Variants in PDE3B observed in about 807,000 individuals in gnomAD.
PDE3B encodes the protein cGMP-inhibited 3',5'-cyclic phosphodiesterase 3B.
Under a neutral mutation model 116.8 loss-of-function variants are expected in PDE3B, and 66 were observed. That is an observed-to-expected ratio of 0.56 (90% CI 0.46 to 0.69). PDE3B has a LOEUF of 0.69. Ranked by LOEUF, PDE3B falls within the 30% of genes least tolerant of loss-of-function variation. PDE3B has a pLI of 0.00. For missense variants in PDE3B, 1,384 were observed against 1,368.1 expected, an observed-to-expected ratio of 1.01 and a Z score of -0.18; for synonymous variants, 595 against 533.6, an observed-to-expected ratio of 1.12 and a Z score of -1.59.
chr11:14,833,041 C>A (rs529621007), intron 10 of PDE3B, among the ~76,000 whole-genome samples: 2 of 152,018 alleles, frequency 1.3e-5, no homozygotes, highest in Admixed American at 1.3e-4. Flanking sequence ...ACCTCCGCCC[C>A]CCACGTTCAA....
Position 14,731,419 on chromosome 11 carries a change from C to T in PDE3B, c.979-40518C>T, listed in dbSNP as rs535474684. ...GACTGCAGGTGCCCGCCACCACACC[C>T]GGCTACTTTTTTGTATTTTTAGTAG... On this transcript the variant is annotated intron_variant, in intron 1 of 15. Coordinates refer to ENST00000282096, the MANE Select transcript of PDE3B (RefSeq NM_000922.4). Among the ~76,000 whole-genome samples the T allele has an allele frequency of 5.9e-4, 90 of 151,934 alleles. 1 individual carries two copies. Among genetic ancestry groups the T allele is most frequent in the African/African-American group, 1.9e-3 (80 of 41,430 alleles).
intron 12 of PDE3B, among the ~76,000 whole-genome samples, chr11:14,847,850 C>T (rs1847645858): frequency 1.3e-5 from 2 of 152,102 alleles, no homozygotes; most frequent in African/African-American, 4.8e-5. Flanking sequence ...TAATCAATAG[C>T]TTACCAACCA....
intron 1 of PDE3B, among the ~76,000 whole-genome samples, chr11:14,660,175 C>T (rs1853848560): frequency 1.3e-5 from 2 of 152,158 alleles, no homozygotes; most frequent in Non-Finnish European, 2.9e-5. Flanking sequence ...TTTACGAGAT[C>T]TTATGCCCTG....
chr11:14,837,351 A>G (rs1050362010), intron 11 of PDE3B, among the ~76,000 whole-genome samples: 7 of 152,028 alleles, frequency 4.6e-5, no homozygotes, highest in South Asian at 4.2e-4. Flanking sequence ...TTCTCCCCCA[A>G]TCTTTCTTTT....
intron 7 of PDE3B, among the ~76,000 whole-genome samples, chr11:14,825,843 GC>G (rs1415728242): frequency 6.6e-6 from 1 of 152,036 alleles, no homozygotes; most frequent in African/African-American, 2.4e-5. Context: ...TTTTCTCATT[GC>G]CACATGGTAC....
At chr11:14,780,620 G>C (rs536646760) in intron 2 of PDE3B, among the ~76,000 whole-genome samples, 4 of 152,194 alleles carry the variant, frequency 2.6e-5, no homozygotes, top group Admixed American at 1.3e-4. Context: ...AAACCAACGA[G>C]AACAAAGACA....
At position 14,644,415 on chromosome 11, in the gene PDE3B, G is replaced by C; in HGVS notation, c.340G>C (p.Val114Leu). ...CGCCTGGCTGCGGACGCTGCTGAGCGTGTGTTCGCACAGCTTGAGCCCCCT... is the reference window on the plus strand; with the variant it reads ...CGCCTGGCTGCGGACGCTGCTGAGCCTGTGTTCGCACAGCTTGAGCCCCCT... ...GAAWLRTLLS[V>L]CSHSLSPLFS... The change falls in exon 1 of 16, where the codon GTG becomes CTG. Residue 114 changes from valine to leucine, a missense_variant. This residue lies in a region of PDE3B where 956 missense variants were observed against 806.8 expected (regional missense o/e 1.18). Coordinates refer to ENST00000282096, the MANE Select transcript of PDE3B (RefSeq NM_000922.4). The C allele has an allele frequency of 6.2e-7, 1 of 1,610,578 alleles. No homozygotes were observed. Among genetic ancestry groups the C allele is most frequent in the Non-Finnish European group, 8.5e-7 (1 of 1,178,782 alleles).
At chr11:14,675,037 A>G (rs946379225) in intron 1 of PDE3B, among the ~76,000 whole-genome samples, 35 of 152,326 alleles carry the variant, frequency 2.3e-4, no homozygotes, top group African/African-American at 7.9e-4. Flanking sequence ...ATTTCTATTA[A>G]GGCAGTTTGG....
At chr11:14,681,200 A>G (rs1687644300) in intron 1 of PDE3B, among the ~76,000 whole-genome samples, 1 of 152,202 alleles carries the variant, frequency 6.6e-6, no homozygotes, top group Admixed American at 6.5e-5. Flanking sequence ...TTTTCAACTT[A>G]TAGTGCATTT....
intron 5 of PDE3B, among the ~76,000 whole-genome samples, chr11:14,814,190 A>G (rs1175327145): frequency 6.6e-6 from 1 of 152,180 alleles, no homozygotes; most frequent in East Asian, 1.9e-4. Flanking sequence ...TTTTCTCCTG[A>G]CTTTGGAAAC....
chr11:14,856,334 T>C (rs1239370401), intron 12 of PDE3B, among the ~76,000 whole-genome samples: 4 of 152,148 alleles, frequency 2.6e-5, no homozygotes, highest in African/African-American at 9.7e-5. Flanking sequence ...AGTATCTCTA[T>C]AGCAGTGTAA....
At chr11:14,780,820 C>G (rs1238120393) in intron 2 of PDE3B, among the ~76,000 whole-genome samples, 1 of 152,042 alleles carries the variant, frequency 6.6e-6, no homozygotes, top group East Asian at 1.9e-4. Context: ...AAGATCAGAG[C>G]AGAACTGAAG....
At chr11:14,883,773 G>A in the PDE3B span, among the ~76,000 whole-genome samples, 4 of 152,060 alleles carry the variant, frequency 2.6e-5, no homozygotes, top group South Asian at 4.1e-4. Flanking sequence ...GAAAATTTTT[G>A]CAACCTACTC....
At chr11:14,784,524 C>T (rs559673770) in intron 2 of PDE3B, among the ~76,000 whole-genome samples, 1 of 152,196 alleles carries the variant, frequency 6.6e-6, no homozygotes, top group South Asian at 2.1e-4. Context: ...GCTAAGAAAA[C>T]TTTATATAGT....
intron 2 of PDE3B, among the ~76,000 whole-genome samples, chr11:14,784,954 C>T (rs995753464): frequency 2.0e-5 from 3 of 151,882 alleles, no homozygotes; most frequent in Admixed American, 2.0e-4. Context: ...TGTGTGTGTT[C>T]CATTTGAATA....
intron 1 of PDE3B, among the ~76,000 whole-genome samples, chr11:14,680,278 T>A (rs1325512605): frequency 6.6e-6 from 1 of 152,028 alleles, no homozygotes. Context: ...GAATCAAGTG[T>A]GTTGTTGAAT....
chr11:14,781,500 T>C (rs1282576601), intron 2 of PDE3B, among the ~76,000 whole-genome samples: 1 of 152,200 alleles, frequency 6.6e-6, no homozygotes, highest in Non-Finnish European at 1.5e-5. Context: ...GCAAGGCTGG[T>C]TCAACATACA....
chr11:14,786,714 T>G, intron 3 of PDE3B, 29 bp downstream of exon 3: 1 of 1,535,030 alleles, frequency 6.5e-7, no homozygotes, highest in African/African-American at 1.4e-5. Context: ...TCTAACCCTA[T>G]TTATCAAATT....
chr11:14,773,613 T>C (rs1857704881), intron 2 of PDE3B: 1 of 152,194 alleles, frequency 6.6e-6, no homozygotes, highest in South Asian at 2.1e-4. Flanking sequence ...TGAAGAATTA[T>C]TTTGTGGTCA....
Sources: allele counts gnomAD v4.1 joint callset (sites outside exome capture counted in the v4.1 genomes callset), GRCh38; gene constraint gnomAD v4.1.1; regional missense constraint gnomAD v4.1.1; transcripts MANE v1.5; gene names NCBI Gene and HGNC (gene_info 2026-07-23, HGNC 2026-07-21).